The following TUBA1A variants were observed in gnomAD, a reference collection of about 807,000 sequenced individuals.
TUBA1A encodes tubulin alpha 1a.
A neutral mutation model predicts 34.6 loss-of-function variants in TUBA1A; 7 were observed. The observed-to-expected ratio is 0.20, with a 90% CI of 0.11 to 0.38. The LOEUF (loss-of-function observed/expected upper bound fraction) is 0.38. Among genes scored for constraint, TUBA1A ranks in the 10% least tolerant of loss-of-function variants. TUBA1A has a pLI of 1.00. For synonymous variants in TUBA1A, 193 were observed against 210.2 expected (o/e 0.92, Z 0.71); for missense variants, 19 against 581.3 (o/e 0.03, Z 9.95).
rs1196674984 is a variant in TUBA1A, at chr12:49,188,072, C to CCACACA, written c.3+904_3+905insTGTGTG. 4 of 862,708 alleles carry CCACACA rather than the reference C, an allele frequency of 4.6e-6. No individual in the cohort carries two copies. The highest frequency in any genetic ancestry group is 5.3e-6 in the Non-Finnish European group (4 of 759,810). The allele number at this position is 862,708 out of a possible 1,614,324, so 53.4% of individuals were successfully genotyped here. On this transcript the variant is annotated intron_variant, in intron 1 of 3. Transcript: ENST00000301071. This position sits in a 1 kb window ranked among gnomAD's most constrained non-coding sequence, Gnocchi z 4.9. The stretch of plus-strand genomic sequence containing the variant: ...CTTCAGTCGGTCAGGGCAGGGCGTC[C>CCACACA]CACAGACACACACACACACACACAC...
Position 49,186,520 on chromosome 12 carries a change from G to A in TUBA1A, c.227-62C>T, listed in dbSNP as rs749168794. On this transcript the variant is annotated intron_variant, in intron 2 of 3. Coordinates refer to ENST00000301071, the MANE Select transcript of TUBA1A (RefSeq NM_006009.4). This position sits in a 1 kb window ranked among gnomAD's most constrained non-coding sequence, Gnocchi z 6.6. ...GGAGGAGGGACGAGGAGCGGGGAGG[G>A]AGAGTGGGTGAGTGACCAGCGGAGC... 1.1e-4 allele frequency: 174 copies of A among 1,612,438 alleles called. 1 individual carries two copies. Among genetic ancestry groups the A allele is most frequent in the Non-Finnish European group, 1.4e-4 (163 of 1,178,814 alleles).
intron 1 of TUBA1A, chr12:49,187,144 A>T: frequency 8.1e-7 from 1 of 1,242,134 alleles, no homozygotes; most frequent in Non-Finnish European, 1.0e-6. Flanking sequence ...CAAATTTTGT[A>T]AAATGAAGTA....
At chr12:49,187,413 A>G in intron 1 of TUBA1A, 1 of 990,534 alleles carries the variant, frequency 1.0e-6, no homozygotes, top group Non-Finnish European at 1.2e-6. Context: ...ACATTATTTA[A>G]CAGAGCAAGC....
chr12:49,186,202 C>T lies in TUBA1A; in HGVS notation c.375+108G>A. ...AAAACCCCAAAAGAATGACTCATTC[C>T]ACTCTTTATTAAAATAACAGTTCAA... On this transcript the variant is annotated intron_variant, in intron 3 of 3. Transcript: ENST00000301071. The surrounding 1 kb of genome is among the most constrained non-coding windows in gnomAD (Gnocchi z 6.6). 6.2e-7 allele frequency: 1 copy of T among 1,605,666 alleles called. No individual in the cohort carries two copies. Among genetic ancestry groups the T allele is most frequent in the Non-Finnish European group, 8.5e-7 (1 of 1,175,444 alleles).
chr12:49,187,035 C>T (rs1309446135), intron 1 of TUBA1A: 14 of 1,451,096 alleles, frequency 9.6e-6, no homozygotes, highest in Non-Finnish European at 1.1e-5. Context: ...AATGATGTCG[C>T]CTTGGCCCTG....
At position 49,185,631 on chromosome 12, in the gene TUBA1A, A is replaced by G; in HGVS notation, c.735T>C (p.Asp245=). ...VSSITASLRF[D]GALNVDLTEF... ...CTGTCAGGTCAACATTCAGGGCTCC[A>G]TCAAATCTCAGGGAAGCAGTGATGG... The change falls in exon 4 of 4, where the codon GAT becomes GAC. Residue 245 remains aspartate, a synonymous_variant. Coordinates refer to ENST00000301071, the MANE Select transcript of TUBA1A (RefSeq NM_006009.4). 6.2e-7 allele frequency: 1 copy of G among 1,614,062 alleles called. No individual in the cohort carries two copies. The highest frequency in any genetic ancestry group is 8.5e-7 in the Non-Finnish European group (1 of 1,179,938).
At position 49,188,452 on chromosome 12, in the gene TUBA1A, A is replaced by T; in HGVS notation, c.3+525T>A. 3 of 1,535,748 alleles carry T rather than the reference A, an allele frequency of 2.0e-6. No individual in the cohort carries two copies. Among genetic ancestry groups the T allele is most frequent in the Non-Finnish European group, 2.6e-6 (3 of 1,146,736 alleles). On this transcript the variant is annotated intron_variant, in intron 1 of 3. Transcript: ENST00000301071. The surrounding 1 kb of genome is among the most constrained non-coding windows in gnomAD (Gnocchi z 4.9). Reference sequence around the variant, plus strand: ...CGGGAATGTGTGGGTATCTTTCCAAAACGCCAAAGACCGCGGAGGGTCTTC... The same window carrying T: ...CGGGAATGTGTGGGTATCTTTCCAATACGCCAAAGACCGCGGAGGGTCTTC...
Position 49,188,490 on chromosome 12 carries a change from T to G in TUBA1A, c.3+487A>C. The G allele has an allele frequency of 6.5e-7, 1 of 1,530,732 alleles. No homozygotes were observed. The highest frequency in any genetic ancestry group is 8.7e-7 in the Non-Finnish European group (1 of 1,143,342). 94.8% of individuals were successfully genotyped at this position (1,530,732 alleles called of 1,614,324 possible). Reference sequence around the variant, plus strand: ...GCGGAGGGTCTTCCCACGCTAACCCTAGGCTGCGCTTTGTTCCCGTTCCCC... The same window carrying G: ...GCGGAGGGTCTTCCCACGCTAACCCGAGGCTGCGCTTTGTTCCCGTTCCCC... On this transcript the variant is annotated intron_variant, in intron 1 of 3. Transcript: ENST00000301071. The surrounding 1 kb of genome is among the most constrained non-coding windows in gnomAD (Gnocchi z 4.9).
chr12:49,188,185 C>T lies in TUBA1A; in HGVS notation c.3+792G>A. 1 of 983,222 alleles carries T rather than the reference C, an allele frequency of 1.0e-6. No individual in the cohort carries two copies. Among genetic ancestry groups the T allele is most frequent in the Non-Finnish European group, 1.2e-6 (1 of 829,492 alleles). 60.9% of individuals were successfully genotyped at this position (983,222 alleles called of 1,614,324 possible). A position where few individuals can be genotyped will look rare whatever the true frequency, so the allele number is the denominator to read the frequency against. On this transcript the variant is annotated intron_variant, in intron 1 of 3. Coordinates refer to ENST00000301071, the MANE Select transcript of TUBA1A (RefSeq NM_006009.4). This position sits in a 1 kb window ranked among gnomAD's most constrained non-coding sequence, Gnocchi z 4.9. ...TTGTGAAGTGAATTATGATTTTGCT[C>T]AAGAAAAAAAAAAGTCATCTAACTT...
Position 49,187,605 on chromosome 12 carries a change from T to A in TUBA1A, c.4-772A>T, listed in dbSNP as rs929873761. On this transcript the variant is annotated intron_variant, in intron 1 of 3. Coordinates refer to ENST00000301071, the MANE Select transcript of TUBA1A (RefSeq NM_006009.4). ...TGTAGCAATTTCATTACTTTTTTTTTTAAAAAAAAAGGTTTTTCCAGATCT... is the reference window on the plus strand; with the variant it reads ...TGTAGCAATTTCATTACTTTTTTTTATAAAAAAAAAGGTTTTTCCAGATCT... The A allele has an allele frequency of 1.1e-5, 11 of 983,626 alleles. No homozygotes were observed. In the African/African-American group the frequency reaches 1.8e-4, roughly 16 times the overall value. The allele number at this position is 983,626 out of a possible 1,614,324, so 60.9% of individuals were successfully genotyped here.
rs1942213435 is a variant in TUBA1A, at chr12:49,188,628, C to T, written c.3+349G>A. 1 of 1,439,000 alleles carries T rather than the reference C, an allele frequency of 6.9e-7. No individual in the cohort carries two copies. Among genetic ancestry groups the T allele is most frequent in the Non-Finnish European group, 9.1e-7 (1 of 1,101,488 alleles). 89.1% of individuals were successfully genotyped at this position (1,439,000 alleles called of 1,614,324 possible). On this transcript the variant is annotated intron_variant, in intron 1 of 3. Transcript: ENST00000301071. The surrounding 1 kb of genome is among the most constrained non-coding windows in gnomAD (Gnocchi z 4.9). ...AAGTGGCCCCTCAGCATCAGCGAAA[C>T]CGTGCGCACAGACACGGGGCCCAGC...
In TUBA1A at chr12:49,188,931, C is replaced by G; in HGVS notation, c.3+46G>C. ...AGGTTTTCCAAGTAGAGCCTGGGGGCGCTGACTCCACCCAACGGCCACAAA... is the reference window on the plus strand; with the variant it reads ...AGGTTTTCCAAGTAGAGCCTGGGGGGGCTGACTCCACCCAACGGCCACAAA... On this transcript the variant is annotated intron_variant, in intron 1 of 3. Transcript: ENST00000301071. The surrounding 1 kb of genome is among the most constrained non-coding windows in gnomAD (Gnocchi z 4.9). 6.2e-7 allele frequency: 1 copy of G among 1,614,110 alleles called. No homozygotes were observed. Among genetic ancestry groups the G allele is most frequent in the Non-Finnish European group, 8.5e-7 (1 of 1,180,046 alleles).
rs1290824647 is a variant in TUBA1A at position 49,188,623 on chromosome 12, C to T, written c.3+354G>A. ...ACAGAAAGTGGCCCCTCAGCATCAG[C>T]GAAACCGTGCGCACAGACACGGGGC... On this transcript the variant is annotated intron_variant, in intron 1 of 3. Coordinates refer to ENST00000301071, the MANE Select transcript of TUBA1A (RefSeq NM_006009.4). This position sits in a 1 kb window ranked among gnomAD's most constrained non-coding sequence, Gnocchi z 4.9. The T allele has an allele frequency of 1.8e-5, 26 of 1,440,766 alleles. No individual in the cohort carries two copies. The highest frequency in any genetic ancestry group is 2.2e-5 in the Non-Finnish European group (24 of 1,101,758). 89.2% of individuals were successfully genotyped at this position (1,440,766 alleles called of 1,614,324 possible).
Position 49,184,849 on chromosome 12 carries a change from T to C in TUBA1A, c.*161A>G. 1 of 1,182,886 alleles carries C rather than the reference T, an allele frequency of 8.5e-7. No homozygotes were observed. Among genetic ancestry groups the C allele is most frequent in the African/African-American group, 1.5e-5 (1 of 66,210 alleles). 73.3% of individuals were successfully genotyped at this position (1,182,886 alleles called of 1,614,324 possible). On this transcript the variant is annotated 3_prime_UTR_variant, in exon 4 of 4. Coordinates refer to ENST00000301071, the MANE Select transcript of TUBA1A (RefSeq NM_006009.4). ...AAACCCATCACAGAAATGGACAGCT[T>C]GGGTCTGTAACAAAGCATTCATGTT...
intron 1 of TUBA1A, chr12:49,187,219 G>A (rs773812308): frequency 9.7e-6 from 11 of 1,133,784 alleles, no homozygotes; most frequent in Non-Finnish European, 1.2e-5. Flanking sequence ...AAAGATGAAA[G>A]TTTCCTCTGA....
Position 49,188,354 on chromosome 12 carries a change from A to G in TUBA1A, c.3+623T>C, listed in dbSNP as rs929636547. The G allele has an allele frequency of 5.2e-6, 8 of 1,533,340 alleles. No individual in the cohort carries two copies. In the East Asian group the frequency reaches 2.0e-4, roughly 38 times the overall value. The allele number at this position is 1,533,340 out of a possible 1,614,324, so 95.0% of individuals were successfully genotyped here. A position where few individuals can be genotyped will look rare whatever the true frequency, so the allele number is the denominator to read the frequency against. ...GGCTCCAACGCCATAGAAGCCAGAA[A>G]CAAACAACCCCGCCCCTGCGCCGCC... On this transcript the variant is annotated intron_variant, in intron 1 of 3. Transcript: ENST00000301071. This position sits in a 1 kb window ranked among gnomAD's most constrained non-coding sequence, Gnocchi z 4.9.
At chr12:49,187,891 G>A in intron 1 of TUBA1A, 4 of 969,490 alleles carry the variant, frequency 4.1e-6, no homozygotes, top group Non-Finnish European at 4.8e-6. Flanking sequence ...TTGTCTATTC[G>A]CTGATGTGGT....
In TUBA1A at chr12:49,188,291, T is replaced by A; in HGVS notation, c.3+686A>T. The A allele has an allele frequency of 6.9e-7, 1 of 1,452,040 alleles. No individual in the cohort carries two copies. The highest frequency in any genetic ancestry group is 9.1e-7 in the Non-Finnish European group (1 of 1,101,450). The allele number at this position is 1,452,040 out of a possible 1,614,324, so 89.9% of individuals were successfully genotyped here. On this transcript the variant is annotated intron_variant, in intron 1 of 3. Coordinates refer to ENST00000301071, the MANE Select transcript of TUBA1A (RefSeq NM_006009.4). This position sits in a 1 kb window ranked among gnomAD's most constrained non-coding sequence, Gnocchi z 4.9. ...TTTTGTTTTTTTTTCAGTCAGCTCC[T>A]GACAGAAGAGGTTCAGTGAGGGCGA...
chr12:49,184,878 G>C lies in TUBA1A; in HGVS notation c.*132C>G. 1 of 1,458,436 alleles carries C rather than the reference G, an allele frequency of 6.9e-7. No individual in the cohort carries two copies. Among genetic ancestry groups the C allele is most frequent in the South Asian group, 1.2e-5 (1 of 86,252 alleles). The allele number at this position is 1,458,436 out of a possible 1,614,324, so 90.3% of individuals were successfully genotyped here. The stretch of plus-strand genomic sequence containing the variant: ...TCTGTAACAAAGCATTCATGTTTTA[G>C]AGCATAGGTCAGTAATTGTATATGA... On this transcript the variant is annotated 3_prime_UTR_variant, in exon 4 of 4. Coordinates refer to ENST00000301071, the MANE Select transcript of TUBA1A (RefSeq NM_006009.4).
Sources: gnomAD v4.1 joint callset for allele counts on GRCh38, gnomAD v4.1.1 for gene constraint, Gnocchi (gnomAD v3.1) non-coding constraint, MANE v1.5 for transcripts, NCBI Gene and HGNC (gene_info 2026-07-23, HGNC 2026-07-21) for gene names.